The following IL6R variants were observed in gnomAD, a reference collection of about 807,000 sequenced individuals.
The protein encoded by IL6R is interleukin-6 receptor subunit alpha.
Under a neutral mutation model 48.3 loss-of-function variants are expected in IL6R, and 38 were observed. The ratio of observed to expected loss-of-function variants is 0.79; its 90% CI spans 0.61 to 1.03. The LOEUF (loss-of-function observed/expected upper bound fraction) is 1.03. Among genes scored for constraint, IL6R ranks in the 50% least tolerant of loss-of-function variants. The pLI is 0.00. For missense variants in IL6R, 534 were observed against 618.3 expected (o/e 0.86, Z 1.45); for synonymous variants, 264 against 256.2 (o/e 1.03, Z -0.29).
At chr1:154,463,629 A>T (rs921927804) in intron 9 of IL6R, among the ~76,000 whole-genome samples, 5 of 152,148 alleles carry the variant, frequency 3.3e-5, no homozygotes, top group Non-Finnish European at 7.4e-5. Context: ...TCAGTCACAA[A>T]GTGGGAAGCA....
chr1:154,451,760 T>TC (rs944642555), intron 8 of IL6R, among the ~76,000 whole-genome samples: 10 of 151,972 alleles, frequency 6.6e-5, no homozygotes, highest in African/African-American at 2.4e-4. Flanking sequence ...GGACTCGAAC[T>TC]CCCCACCTCA....
At chr1:154,418,819 A>C (rs1293642778) in intron 1 of IL6R, among the ~76,000 whole-genome samples, 1 of 152,186 alleles carries the variant, frequency 6.6e-6, no homozygotes, top group African/African-American at 2.4e-5. Context: ...GGCCAAGGGC[A>C]CGACTCCTGG....
chr1:154,408,319 G>C (rs914129755), intron 1 of IL6R, among the ~76,000 whole-genome samples: 2 of 152,140 alleles, frequency 1.3e-5, no homozygotes, highest in Admixed American at 6.5e-5. Flanking sequence ...GCTTTGGCTT[G>C]CTGCTTGTTT....
Position 154,465,519 on chromosome 1 carries a change from G to A in IL6R, c.*139G>A, listed in dbSNP as rs28730737. The A allele has an allele frequency of 8.9e-4, 850 of 952,786 alleles. 3 individuals carry two copies. In the African/African-American group the frequency reaches 0.012, roughly 14 times the overall value. The allele number at this position is 952,786 out of a possible 1,614,324, so 59.0% of individuals were successfully genotyped here. A position where few individuals can be genotyped will look rare whatever the true frequency, so the allele number is the denominator to read the frequency against. The stretch of plus-strand genomic sequence containing the variant: ...GCTTCACGGAAGAGCCTTGCGGAAG[G>A]TTCTACGCCAGGGGAAAATCAGCCT... On this transcript the variant is annotated 3_prime_UTR_variant, in exon 10 of 10. Coordinates refer to ENST00000368485, the MANE Select transcript of IL6R (RefSeq NM_000565.4).
rs1374491088 is a variant in IL6R at position 154,429,439 on chromosome 1, T to C, written c.329T>C (p.Val110Ala). The C allele has an allele frequency of 6.2e-7, 1 of 1,608,860 alleles. No homozygotes were observed. Among genetic ancestry groups the C allele is most frequent in the South Asian group, 1.1e-5 (1 of 90,928 alleles). The change falls in exon 2 of 10, where the codon GTG becomes GCG. Residue 110 changes from valine to alanine, a missense_variant. Transcript: ENST00000368485. ...GRPAGTVHLL[V>A]DVPPEEPQLS... ...CCAGCTGGGACTGTGCACTTGCTGG[T>C]GGATGGTGAGTTGTGCCTCAGAGGT...
chr1:154,439,666 C>G (rs984194973), intron 6 of IL6R, among the ~76,000 whole-genome samples: 3 of 152,154 alleles, frequency 2.0e-5, no homozygotes, highest in African/African-American at 7.2e-5. Context: ...TATTGTTGTG[C>G]AACCATCACC....
rs1279082892 is a variant in IL6R at position 154,449,968 on chromosome 1, A to G, written c.1054A>G (p.Thr352Ala). ...NILFRDSANA[T>A]SLPVQDSSSV... Reference sequence around the variant, plus strand: ...TCTCTTCAGAGATTCTGCAAATGCGACAAGCCTCCCAGGTAAGGACTGGGT... The same window carrying G: ...TCTCTTCAGAGATTCTGCAAATGCGGCAAGCCTCCCAGGTAAGGACTGGGT... The change falls in exon 8 of 10, where the codon ACA becomes GCA. Residue 352 changes from threonine (T) to alanine (A), a missense_variant. Thr to Ala is a moderately conservative substitution (Grantham distance 58). Coordinates refer to ENST00000368485, the MANE Select transcript of IL6R (RefSeq NM_000565.4). 6.2e-7 allele frequency: 1 copy of G among 1,606,252 alleles called. No individual in the cohort carries two copies. The highest frequency in any genetic ancestry group is 8.5e-7 in the Non-Finnish European group (1 of 1,172,800).
chr1:154,427,522 A>G (rs1229312677), intron 1 of IL6R, among the ~76,000 whole-genome samples: 3 of 152,240 alleles, frequency 2.0e-5, no homozygotes, highest in South Asian at 2.1e-4. Flanking sequence ...ACCGGCTGCC[A>G]TGATGGCCTT....
intron 1 of IL6R, among the ~76,000 whole-genome samples, chr1:154,420,715 T>TAATAGAGACAGGGTTTCACAAA (rs1379396653): frequency 6.6e-6 from 1 of 151,654 alleles, no homozygotes; most frequent in East Asian, 2.0e-4. Context: ...TTTGTATTTT[T>TAATAGAGACAGGGTTTCACAAA]AATAGAGACA....
At chr1:154,435,193 C>T (rs1018237093) in intron 5 of IL6R, 37 bp downstream of exon 5, 3 of 1,597,364 alleles carry the variant, frequency 1.9e-6, no homozygotes. Context: ...GAGAGGCGCC[C>T]CTAGATGCTT....
At chr1:154,456,460 G>C (rs1235775473) in intron 9 of IL6R, among the ~76,000 whole-genome samples, 2 of 152,086 alleles carry the variant, frequency 1.3e-5, no homozygotes, top group African/African-American at 2.4e-5. Flanking sequence ...GCCCGCCTCC[G>C]CCTCCCAAAG....
At chr1:154,445,130 GTTTA>G (rs1426711072) in intron 6 of IL6R, 1 of 456,200 alleles carries the variant, frequency 2.2e-6, no homozygotes, top group Admixed American at 2.3e-5. Flanking sequence ...CCTCAGTGAG[GTTTA>G]TTTATTTGTT....
rs145092406 is a variant in IL6R, at chr1:154,459,529, T to C, written c.1160+4948T>C. 9.8e-4 allele frequency among the ~76,000 whole-genome samples: 149 copies of C among 152,352 alleles called. No homozygotes were observed. The Middle Eastern group carries it at 0.027, about 28-fold the overall frequency. ...TACCATGGGATGGCCACATTTACAG[T>C]AGGTGAAGTGTGAGAGGTTGACTTC... On this transcript the variant is annotated intron_variant, in intron 9 of 9. Transcript: ENST00000368485.
intron 2 of IL6R, among the ~76,000 whole-genome samples, chr1:154,430,191 CT>C (rs1325985520): frequency 6.6e-6 from 1 of 152,184 alleles, no homozygotes; most frequent in African/African-American, 2.4e-5. Context: ...CTCCAAAGCC[CT>C]TTTTTTCGAT....
chr1:154,449,905 T>C lies in IL6R; in HGVS notation c.997-6T>C. 1 of 1,593,156 alleles carries C rather than the reference T, an allele frequency of 6.3e-7. No individual in the cohort carries two copies. The highest frequency in any genetic ancestry group is 8.6e-7 in the Non-Finnish European group (1 of 1,160,888). On this transcript the variant is annotated splice_polypyrimidine_tract_variant and splice_region_variant and intron_variant, in intron 7 of 9. Coordinates refer to ENST00000368485, the MANE Select transcript of IL6R (RefSeq NM_000565.4). ...ACAGGCTGATGGTGAGGAATGTCTC[T>C]TTTAGGCACTTACTACTAATAAAGA...
chr1:154,464,344 G>A (rs570949651), intron 9 of IL6R, among the ~76,000 whole-genome samples: 2 of 152,000 alleles, frequency 1.3e-5, no homozygotes, highest in East Asian at 2.0e-4. Flanking sequence ...TAGTAGAGAC[G>A]GGGTTTCACC....
chr1:154,449,835 AG>A (rs1422807166), intron 7 of IL6R, 75 bp from the exon 8 acceptor site: 1 of 877,572 alleles, frequency 1.1e-6, no homozygotes, highest in Non-Finnish European at 2.0e-6. Flanking sequence ...TCTGAGGAGG[AG>A]GTAACTCCTG....
intron 1 of IL6R, chr1:154,415,105 G>A (rs757112940): frequency 6.0e-6 from 7 of 1,162,522 alleles, no homozygotes; most frequent in South Asian, 1.3e-5. Flanking sequence ...GGGCTTTTAC[G>A]GTTCCACTCG....
At position 154,465,117 on chromosome 1, in the gene IL6R, T is replaced by C. The variant is rs962301964; in HGVS notation, c.1161-17T>C. On this transcript the variant is annotated splice_polypyrimidine_tract_variant and intron_variant, in intron 9 of 9. Coordinates refer to ENST00000368485, the MANE Select transcript of IL6R (RefSeq NM_000565.4). ...GCTAAAAATCTGTGTGGTTTGTCTT[T>C]GTGTGTTTGTGTGAAGGTTCAAGAA... is the stretch of plus-strand genomic sequence containing the variant. The C allele has an allele frequency of 6.2e-7, 1 of 1,613,970 alleles. No individual in the cohort carries two copies. Among genetic ancestry groups the C allele is most frequent in the African/African-American group, 1.3e-5 (1 of 74,906 alleles).
Sources: gnomAD v4.1 joint callset for allele counts (sites outside exome capture counted in the v4.1 genomes callset) on GRCh38, gnomAD v4.1.1 for gene constraint, MANE v1.5 for transcripts, NCBI Gene and HGNC (gene_info 2026-07-23, HGNC 2026-07-21) for gene names.